SEMA4D: variants seen among roughly 807,000 people sequenced by gnomAD.
SEMA4D encodes the protein semaphorin-4D.
SEMA4D carries 22 observed loss-of-function variants against 74.8 expected under a neutral mutation model. The ratio of observed to expected loss-of-function variants is 0.29; its 90% CI spans 0.21 to 0.42. The LOEUF is 0.42. SEMA4D is among the 10% of genes least tolerant of loss of function. SEMA4D has a pLI of 1.00. For missense variants in SEMA4D, 937 were observed against 1,118.4 expected (o/e 0.84, Z 2.31); for synonymous variants, 445 against 463.7 (o/e 0.96, Z 0.52).
Position 89,379,619 on chromosome 9 carries a change from T to C in SEMA4D, c.1674A>G (p.Lys558=). Residue 558 remains lysine, a synonymous_variant, in exon 16 of 16, where the codon AAA becomes AAG. Coordinates refer to ENST00000422704, the MANE Select transcript of SEMA4D (RefSeq NM_001371194.2). ...TGAAAAAATGCTGCCGGTAACTTCC[T>C]TTACTTTTATCTGGAACATCAAAAT... ...GDASVCPDKS[K]GSYRQHFFKH... 6.2e-7 allele frequency: 1 copy of C among 1,600,992 alleles called. No homozygotes were observed. Among genetic ancestry groups the C allele is most frequent in the Middle Eastern group, 1.7e-4 (1 of 6,004 alleles).
intron 5 of SEMA4D, among the ~76,000 whole-genome samples, chr9:89,397,658 A>AC (rs1841290770): frequency 6.6e-6 from 1 of 152,104 alleles, no homozygotes; most frequent in African/African-American, 2.4e-5. Context: ...CCACCTGCAC[A>AC]CCCCCGGAAA....
At chr9:89,464,514 G>A (rs1564887700) in intron 1 of SEMA4D, among the ~76,000 whole-genome samples, 1 of 152,140 alleles carries the variant, frequency 6.6e-6, no homozygotes, top group Non-Finnish European at 1.5e-5. Flanking sequence ...AATAAGGAGA[G>A]ACCCCTCAGA....
chr9:89,391,517 G>C (rs966324348), intron 8 of SEMA4D, 102 bp from the exon 9 acceptor site: 4 of 1,146,920 alleles, frequency 3.5e-6, no homozygotes, highest in Non-Finnish European at 5.1e-6. Context: ...GGGCCTGAGG[G>C]CTTCCCTGCA....
intron 1 of SEMA4D, among the ~76,000 whole-genome samples, chr9:89,457,962 G>A (rs1856333514): frequency 6.6e-6 from 1 of 151,592 alleles, no homozygotes; most frequent in Non-Finnish European, 1.5e-5. Flanking sequence ...GAACCCAGGA[G>A]CCGGAGGTTG....
At chr9:89,369,865 A>AGTGTGTGTGT (rs112473972) in intron 16 of SEMA4D, among the ~76,000 whole-genome samples, 1 of 138,664 alleles carries the variant, frequency 7.2e-6, no homozygotes, top group African/African-American at 2.6e-5. Context: ...CTAAGTCAAC[A>AGTGTGTGTGT]ATGTGTGTGT....
At chr9:89,398,506 A>G (rs1372121273) in intron 5 of SEMA4D, among the ~76,000 whole-genome samples, 1 of 152,194 alleles carries the variant, frequency 6.6e-6, no homozygotes, top group Non-Finnish European at 1.5e-5. Context: ...TGGATGCCGG[A>G]CAAGAGCTCA....
At chr9:89,434,764 C>T (rs1850027575) in intron 2 of SEMA4D, among the ~76,000 whole-genome samples, 2 of 152,298 alleles carry the variant, frequency 1.3e-5, no homozygotes, top group African/African-American at 4.8e-5. Context: ...GGGCATCATT[C>T]ATCCTCCTGC....
chr9:89,480,656 C>A (rs1029017030), intron 1 of SEMA4D, among the ~76,000 whole-genome samples: 1 of 152,240 alleles, frequency 6.6e-6, no homozygotes, highest in South Asian at 2.1e-4. Flanking sequence ...CAGCCACTGG[C>A]CCGGGTGCTA....
At chr9:89,363,817 G>A (rs1359095325) in exon 17 of SEMA4D, 14 of 1,613,968 alleles carry the variant, frequency 8.7e-6, no homozygotes, top group African/African-American at 6.7e-5. Context: ...GATACTCAGC[G>A]CTTTCCCTGA....
chr9:89,362,372 AGGTC>A, exon 19 of SEMA4D: 1 of 1,614,036 alleles, frequency 6.2e-7, no homozygotes, highest in Non-Finnish European at 8.5e-7. Flanking sequence ...GTTGGGGTTG[AGGTC>A]GGTGTCAGGG....
chr9:89,367,317 G>A (rs924801968), intron 16 of SEMA4D: 1 of 152,296 alleles, frequency 6.6e-6, no homozygotes, highest in Admixed American at 6.5e-5. Context: ...CCCCCAGTGG[G>A]GAGCTGTCTT....
chr9:89,466,388 G>A (rs1173339074), intron 1 of SEMA4D, among the ~76,000 whole-genome samples: 1 of 152,112 alleles, frequency 6.6e-6, no homozygotes, highest in Non-Finnish European at 1.5e-5. Flanking sequence ...ACCTTAGACA[G>A]AGGGCTGCCT....
chr9:89,468,684 A>T (rs1199586336), intron 1 of SEMA4D, among the ~76,000 whole-genome samples: 2 of 152,226 alleles, frequency 1.3e-5, no homozygotes, highest in African/African-American at 4.8e-5. Flanking sequence ...AAGTGGTGAA[A>T]ATCTCATCCC....
downstream of SEMA4D, among the ~76,000 whole-genome samples, chr9:89,372,311 C>T (rs1403894649): frequency 1.4e-4 from 7 of 50,138 alleles, no homozygotes; most frequent in South Asian, 7.8e-4. Flanking sequence ...TGGTGTGGGT[C>T]GGGGGTGTGG....
intron 2 of SEMA4D, among the ~76,000 whole-genome samples, chr9:89,454,557 C>A (rs1855471354): frequency 6.6e-6 from 1 of 152,176 alleles, no homozygotes; most frequent in African/African-American, 2.4e-5. Context: ...TGGTTCCATC[C>A]AAGCACGTAA....
At chr9:89,479,401 T>C (rs954405819) in intron 1 of SEMA4D, among the ~76,000 whole-genome samples, 4 of 152,194 alleles carry the variant, frequency 2.6e-5, no homozygotes, top group Non-Finnish European at 5.9e-5. Context: ...GAGTTCTAAC[T>C]CAGTGTTTGT....
At chr9:89,440,089 C>T (rs1385088608) in intron 2 of SEMA4D, among the ~76,000 whole-genome samples, 12 of 152,196 alleles carry the variant, frequency 7.9e-5, no homozygotes, top group Non-Finnish European at 1.8e-4. Context: ...AATGGAGCCA[C>T]GATAAGAGGC....
chr9:89,449,457 C>T, intron 2 of SEMA4D: 1 of 666,858 alleles, frequency 1.5e-6, no homozygotes, highest in Non-Finnish European at 2.8e-6. Context: ...CGCTGGCCCT[C>T]TCCTCGAGGA....
chr9:89,385,785 G>C, intron 13 of SEMA4D: 3 of 548,440 alleles, frequency 5.5e-6, no homozygotes, highest in Non-Finnish European at 7.0e-6. Flanking sequence ...AGGACTGACT[G>C]GGCCTGGATC....
Sources: gnomAD v4.1 joint callset for allele counts (sites outside exome capture counted in the v4.1 genomes callset) on GRCh38, gnomAD v4.1.1 for gene constraint, MANE v1.5 for transcripts, NCBI Gene and HGNC (gene_info 2026-07-23, HGNC 2026-07-21) for gene names.